The following AKAP9 variants were observed in gnomAD, a reference collection of about 807,000 sequenced individuals.
AKAP9 encodes A-kinase anchor protein 9.
A neutral mutation model predicts 488.5 loss-of-function variants in AKAP9; 311 were observed. That is an observed-to-expected ratio of 0.64 (90% CI 0.58 to 0.70). The LOEUF (loss-of-function observed/expected upper bound fraction) is 0.70. Ranked by LOEUF, AKAP9 falls within the 30% of genes least tolerant of loss-of-function variation. AKAP9 has a pLI of 0.00. For synonymous variants in AKAP9, 1,462 were observed against 1,483.5 expected, an observed-to-expected ratio of 0.99 and a Z score of 0.33; for missense variants, 4,215 against 4,374.5, an observed-to-expected ratio of 0.96 and a Z score of 1.03.
At chr7:91,949,906 C>G (rs1182040620) in intron 1 of AKAP9, among the ~76,000 whole-genome samples, 2 of 152,108 alleles carry the variant, frequency 1.3e-5, no homozygotes, top group African/African-American at 4.8e-5. Flanking sequence ...TTACTGTTCT[C>G]TGAGATTTTT....
chr7:92,074,396 A>G (rs11973395), intron 28 of AKAP9, among the ~76,000 whole-genome samples: 63,423 of 151,976 alleles, frequency 0.42, 13,747 homozygotes, highest in African/African-American at 0.52. Flanking sequence ...AAATAGGAAC[A>G]CCTTTACACT....
In AKAP9 at chr7:92,105,869, G is replaced by A; in HGVS notation, c.11416+106G>A. The A allele has an allele frequency of 3.0e-6, 3 of 1,007,574 alleles. No homozygotes were observed. In the South Asian group the frequency reaches 3.9e-5, roughly 13 times the overall value. 62.4% of individuals were successfully genotyped at this position (1,007,574 alleles called of 1,614,324 possible). On this transcript the variant is annotated intron_variant, in intron 47 of 49. Transcript: ENST00000356239. ...TTGTCTGTGGCCTGTTAGGAACCAGGCCGCACAGCAGCAGGTGAGCAGCGG... is the reference window on the plus strand; with the variant it reads ...TTGTCTGTGGCCTGTTAGGAACCAGACCGCACAGCAGCAGGTGAGCAGCGG...
chr7:91,975,629 G>A (rs1795568995), intron 2 of AKAP9, among the ~76,000 whole-genome samples: 1 of 151,634 alleles, frequency 6.6e-6, no homozygotes, highest in South Asian at 2.1e-4. Flanking sequence ...TTTCTTTTTT[G>A]TAATTGCCAT....
intron 45 of AKAP9, among the ~76,000 whole-genome samples, chr7:92,102,113 G>A (rs1027379851): frequency 2.0e-5 from 3 of 151,164 alleles, no homozygotes; most frequent in East Asian, 1.9e-4. Context: ...CCGAGATCAC[G>A]CCACTAAACT....
intron 24 of AKAP9, among the ~76,000 whole-genome samples, chr7:92,063,019 A>G (rs1440756276): frequency 6.6e-6 from 1 of 152,216 alleles, no homozygotes; most frequent in African/African-American, 2.4e-5. Flanking sequence ...TAAATAAGAT[A>G]TTAAGTAATA....
intron 1 of AKAP9, among the ~76,000 whole-genome samples, chr7:91,952,066 T>G (rs1041931059): frequency 6.6e-6 from 1 of 152,176 alleles, no homozygotes; most frequent in African/African-American, 2.4e-5. Flanking sequence ...CCCTTTTCAT[T>G]TTGTTAATCC....
In AKAP9 at chr7:92,001,250, A is replaced by G. The variant is rs1266073264; in HGVS notation, c.1333A>G (p.Ile445Val). 1 of 1,614,026 alleles carries G rather than the reference A, an allele frequency of 6.2e-7. No homozygotes were observed. Reference protein sequence around the residue: ...AELDEMYGQQIVQMKQELIRQ... With the variant: ...AELDEMYGQQVVQMKQELIRQ... ...GCTGGATGAGATGTATGGGCAGCAG[A>G]TAGTGCAAATGAAACAAGAATTAAT... Residue 445 changes from isoleucine (I) to valine (V), a missense_variant, in exon 8 of 50, where the codon ATA becomes GTA. Physicochemically the swap from Ile to Val is conservative, Grantham distance 29. This residue lies in a region of AKAP9 where 2,361 missense variants were observed against 2,430.0 expected (regional missense o/e 0.97). Transcript: ENST00000356239.
rs1233498823 is a variant in AKAP9 at position 91,973,952 on chromosome 7, A to G, written c.290A>G (p.Gln97Arg). Residue 97 changes from glutamine (Q) to arginine (R), a missense_variant, in exon 2 of 50, where the codon CAG becomes CGG. Transcript: ENST00000356239. ...AGTGGAGAAATAACCAGTCATGAGC[A>G]GGGCTTCTCTGTGGAAGTAAGTATT... ...LHSGEITSHE[Q>R]GFSVELESEI... 1 of 1,614,054 alleles carries G rather than the reference A, an allele frequency of 6.2e-7. No individual in the cohort carries two copies. Among genetic ancestry groups the G allele is most frequent in the South Asian group, 1.1e-5 (1 of 91,066 alleles).
At chr7:92,018,036 C>T (rs888732564) in intron 12 of AKAP9, among the ~76,000 whole-genome samples, 1 of 152,152 alleles carries the variant, frequency 6.6e-6, no homozygotes, top group Non-Finnish European at 1.5e-5. Context: ...AATGTAAATG[C>T]CTACATTAAC....
intron 37 of AKAP9, among the ~76,000 whole-genome samples, chr7:92,086,959 C>A (rs1251682285): frequency 6.6e-6 from 1 of 152,154 alleles, no homozygotes. Flanking sequence ...CCTTCTCGTA[C>A]TTAGGAACAC....
chr7:91,979,920 A>G (rs747808663), intron 2 of AKAP9, among the ~76,000 whole-genome samples: 2 of 152,200 alleles, frequency 1.3e-5, no homozygotes, highest in African/African-American at 2.4e-5. Context: ...ACAGTTAACC[A>G]TGGGTAACTG....
chr7:92,094,051 A>G (rs1357496151), intron 39 of AKAP9, among the ~76,000 whole-genome samples: 2 of 151,654 alleles, frequency 1.3e-5, no homozygotes, highest in Admixed American at 6.6e-5. Context: ...GAGTTTCACC[A>G]TGTTGACCAT....
At chr7:92,102,492 A>G (rs1817738699) in intron 45 of AKAP9, 102 bp from the exon 46 acceptor site, 1 of 850,784 alleles carries the variant, frequency 1.2e-6, no homozygotes, top group South Asian at 1.4e-5. Flanking sequence ...TACTACTACC[A>G]CCACCACCAC....
chr7:92,078,833 A>G (rs1010203733), intron 30 of AKAP9, among the ~76,000 whole-genome samples: 3 of 152,180 alleles, frequency 2.0e-5, no homozygotes, highest in Admixed American at 1.3e-4. Context: ...GATATTGACT[A>G]TTTTCCTAAT....
intron 22 of AKAP9, chr7:92,058,097 T>C: frequency 1.9e-6 from 1 of 514,906 alleles, no homozygotes; most frequent in Non-Finnish European, 3.8e-6. Flanking sequence ...CTTGATAAAC[T>C]AAAAAGAACT....
In AKAP9 at chr7:92,079,145, C is replaced by A; in HGVS notation, c.7012C>A (p.Gln2338Lys). The change falls in exon 31 of 50, where the codon CAA becomes AAA. Residue 2338 changes from glutamine to lysine, a missense_variant. Physicochemically the swap from Gln to Lys is moderately conservative, Grantham distance 53. Coordinates refer to ENST00000356239, the MANE Select transcript of AKAP9 (RefSeq NM_005751.5). ...CCAAATAGAATGTTTGATGAGTGATCAAGAATGTGTGAAGAGAAATAGAGA... is the reference window on the plus strand; with the variant it reads ...CCAAATAGAATGTTTGATGAGTGATAAAGAATGTGTGAAGAGAAATAGAGA... ...ETQIECLMSD[Q>K]ECVKRNREEE... is the part of the protein sequence containing the mutation. The A allele has an allele frequency of 1.9e-6, 3 of 1,613,562 alleles. No homozygotes were observed. The South Asian group carries it at 3.3e-5, about 18-fold the overall frequency.
At chr7:92,089,822 T>C (rs187166243) in intron 38 of AKAP9, 306 of 207,788 alleles carry the variant, frequency 1.5e-3, no homozygotes, top group African/African-American at 6.6e-3. Context: ...AAACAGTCTT[T>C]CCAATCATAA....
At chr7:92,022,109 T>C in intron 12 of AKAP9, 129 bp from the exon 13 acceptor site, 1 of 723,968 alleles carries the variant, frequency 1.4e-6, no homozygotes. Flanking sequence ...GGGAAAATGC[T>C]TGTATTAGAG....
At chr7:92,013,034 C>G (rs1292991986) in intron 9 of AKAP9, among the ~76,000 whole-genome samples, 1 of 131,136 alleles carries the variant, frequency 7.6e-6, no homozygotes, top group Non-Finnish European at 1.6e-5. Flanking sequence ...CTCTGTCGCC[C>G]AGGCTGGAGT....
Sources: gnomAD v4.1 joint callset for allele counts (sites outside exome capture counted in the v4.1 genomes callset) on GRCh38, gnomAD v4.1.1 for gene constraint, gnomAD v4.1.1 regional missense constraint, MANE v1.5 for transcripts, NCBI Gene and HGNC (gene_info 2026-07-23, HGNC 2026-07-21) for gene names.